UGT1A8: variants seen among roughly 807,000 people sequenced by gnomAD.
UGT1A8 encodes the protein UDP-glucuronosyltransferase 1A8.
Under a neutral mutation model 45.3 loss-of-function variants are expected in UGT1A8, and 39 were observed. The observed-to-expected ratio is 0.86, with a 90% CI of 0.67 to 1.12. The LOEUF (loss-of-function observed/expected upper bound fraction) is 1.12. UGT1A8 is among the 50% of genes most tolerant of loss of function. UGT1A8 has a pLI of 0.00. For synonymous variants in UGT1A8, 275 were observed against 249.2 expected (o/e 1.10, Z -0.97); for missense variants, 719 against 664.9 (o/e 1.08, Z -0.90).
rs116341201 is a variant in UGT1A8, at chr2:233,621,794, A to G, written c.855+3232A>G. Among the ~76,000 whole-genome samples the G allele has an allele frequency of 3.4e-3, 519 of 152,234 alleles. 2 individuals are homozygous for G. Among genetic ancestry groups the G allele is most frequent in the African/African-American group, 0.012 (483 of 41,540 alleles). On this transcript the variant is annotated intron_variant, in intron 1 of 4. Coordinates refer to ENST00000373450, the MANE Select transcript of UGT1A8 (RefSeq NM_019076.5). ...TGTGCACAACGTAAAGGTTTGTTAC[A>G]TAGGTACACATGTGTCATGTTGGTT...
intron 1 of UGT1A8, among the ~76,000 whole-genome samples, chr2:233,692,665 T>C (rs2075108390): frequency 6.6e-6 from 1 of 152,170 alleles, no homozygotes; most frequent in African/African-American, 2.4e-5. Context: ...AAGTTCGGGA[T>C]AGAGAATTGG....
rs377063392 is a variant in UGT1A8, at chr2:233,724,823, G to A, written c.856-42211G>A. Among the ~76,000 whole-genome samples, 2 of 135,304 alleles carry A rather than the reference G, an allele frequency of 1.5e-5. 1 individual carries two copies. Among genetic ancestry groups the A allele is most frequent in the Non-Finnish European group, 3.1e-5 (2 of 64,184 alleles). 88.8% of individuals were successfully genotyped at this position (135,304 alleles called of 152,430 possible). A position where few individuals can be genotyped will look rare whatever the true frequency, so the allele number is the denominator to read the frequency against. On this transcript the variant is annotated intron_variant, in intron 1 of 4. Transcript: ENST00000373450. ...GCGGCCGGGCAGAGGCTGCAATCTC[G>A]GCACTTTGGGAGGCCAAGGCAGGCG...
At chr2:233,689,865 T>G in intron 1 of UGT1A8, 1 of 456,466 alleles carries the variant, frequency 2.2e-6, no homozygotes. Flanking sequence ...TACTATTACC[T>G]TCTTGCTTAT....
chr2:233,657,757 T>C (rs2073887423), intron 1 of UGT1A8, among the ~76,000 whole-genome samples: 1 of 152,238 alleles, frequency 6.6e-6, no homozygotes, highest in African/African-American at 2.4e-5. Context: ...TTAAATATGA[T>C]GTTGAGCATC....
At chr2:233,763,561 T>A (rs1698343622) in intron 1 of UGT1A8, among the ~76,000 whole-genome samples, 1 of 152,248 alleles carries the variant, frequency 6.6e-6, no homozygotes, top group Admixed American at 6.5e-5. Context: ...GTCAAGTTAC[T>A]GTTCTTATTT....
chr2:233,675,501 A>G (rs940829614), intron 1 of UGT1A8, among the ~76,000 whole-genome samples: 1 of 152,182 alleles, frequency 6.6e-6, no homozygotes, highest in African/African-American at 2.4e-5. Flanking sequence ...GGATATGGTT[A>G]CAGATAAATA....
rs1218206132 is a variant in UGT1A8, at chr2:233,618,573, T to A, written c.855+11T>A. 3.1e-6 allele frequency: 5 copies of A among 1,610,714 alleles called. No homozygotes were observed. The highest frequency in any genetic ancestry group is 1.7e-5 in the Admixed American group (1 of 59,888). On this transcript the variant is annotated intron_variant, in intron 1 of 4. Transcript: ENST00000373450. ...AAGCCATTGCCTATGGTAAGTCACC[T>A]CTCCTTTAGCACATTAGGAATAATC...
chr2:233,761,996 A>C (rs1212945255), intron 1 of UGT1A8, among the ~76,000 whole-genome samples: 1 of 151,970 alleles, frequency 6.6e-6, no homozygotes, highest in African/African-American at 2.4e-5. Context: ...CCTTATTTCC[A>C]CTATACCTCC....
chr2:233,747,722 GT>G (rs574078556), intron 1 of UGT1A8: 15 of 1,612,642 alleles, frequency 9.3e-6, no homozygotes, highest in Middle Eastern at 1.6e-4. Context: ...TTCCTGCTGT[GT>G]TTTTTTTGAG....
At chr2:233,755,301 G>A in intron 1 of UGT1A8, 2 of 599,966 alleles carry the variant, frequency 3.3e-6, no homozygotes, top group Non-Finnish European at 5.2e-6. Context: ...CGGGGCACTG[G>A]CACAGCGAGC....
intron 1 of UGT1A8, chr2:233,637,452 T>G: frequency 3.3e-6 from 5 of 1,512,750 alleles, no homozygotes; most frequent in Non-Finnish European, 4.4e-6. Context: ...TACTGAACTG[T>G]GATTTGACAT....
At chr2:233,728,554 T>C (rs2077726263) in intron 1 of UGT1A8, among the ~76,000 whole-genome samples, 1 of 152,200 alleles carries the variant, frequency 6.6e-6, no homozygotes, top group Non-Finnish European at 1.5e-5. Flanking sequence ...CTCTGATCCT[T>C]ACAAGAAATA....
intron 1 of UGT1A8, among the ~76,000 whole-genome samples, chr2:233,757,812 T>C (rs772268398): frequency 4.0e-5 from 6 of 151,794 alleles, no homozygotes; most frequent in Non-Finnish European, 8.8e-5. Flanking sequence ...TGAAAGGAGC[T>C]GGTAGTGTGT....
Position 233,767,112 on chromosome 2 carries a change from C to T in UGT1A8, c.934C>T (p.Pro312Ser), listed in dbSNP as rs769666128. 1 of 1,614,080 alleles carries T rather than the reference C, an allele frequency of 6.2e-7. No individual in the cohort carries two copies. The highest frequency in any genetic ancestry group is 2.2e-5 in the East Asian group (1 of 44,856). The change falls in exon 2 of 5, where the codon CCA (proline) becomes TCA (serine). Residue 312 changes from proline to serine, a missense_variant. Coordinates refer to ENST00000373450, the MANE Select transcript of UGT1A8 (RefSeq NM_019076.5). ...TTTGGGATCAATGGTCTCAGAAATT[C>T]CAGAGAAGAAAGCTATGGCAATTGC... ...FSLGSMVSEI[P>S]EKKAMAIADA...
At position 233,618,368 on chromosome 2, in the gene UGT1A8, C is replaced by T. The variant is rs2125446570; in HGVS notation, c.661C>T (p.Gln221Ter). The T allele has an allele frequency of 1.2e-6, 2 of 1,613,894 alleles. No individual in the cohort carries two copies. Among genetic ancestry groups the T allele is most frequent in the East Asian group, 2.2e-5 (1 of 44,866 alleles). The change falls in exon 1 of 5, where the codon CAG (glutamine) becomes TAG (stop). Residue 221 changes from glutamine (Q) to a stop codon, truncating the protein, a stop_gained. Transcript: ENST00000373450. LOFTEE classifies it high-confidence loss of function. ...IMHLEEHLFC[Q>*]YFSKNALEIA... ...GCACTTGGAGGAACATTTATTTTGC[C>T]AGTATTTTTCCAAAAATGCCCTAGA...
chr2:233,735,701 C>T (rs2078683713), intron 1 of UGT1A8, among the ~76,000 whole-genome samples: 1 of 151,894 alleles, frequency 6.6e-6, no homozygotes, highest in South Asian at 2.1e-4. Flanking sequence ...GTAAGGCAGG[C>T]CTGGTGGTGA....
chr2:233,620,758 A>T lies in UGT1A8; in HGVS notation c.855+2196A>T, dbSNP rs569005808. ...GGCTTTCTGTCAAAGAGCCTTGGATATGGCCCAACCACAAAAGTAAAAGTC... is the reference window on the plus strand; with the variant it reads ...GGCTTTCTGTCAAAGAGCCTTGGATTTGGCCCAACCACAAAAGTAAAAGTC... On this transcript the variant is annotated intron_variant, in intron 1 of 4. Coordinates refer to ENST00000373450, the MANE Select transcript of UGT1A8 (RefSeq NM_019076.5). 2.0e-5 allele frequency among the ~76,000 whole-genome samples: 3 copies of T among 152,332 alleles called. No individual in the cohort carries two copies. In the South Asian group the frequency reaches 6.2e-4, roughly 32 times the overall value.
chr2:233,721,740 G>C lies in UGT1A8; in HGVS notation c.856-45294G>C, dbSNP rs151279989. 5 of 432,164 alleles carry C rather than the reference G, an allele frequency of 1.2e-5. No individual in the cohort carries two copies. The East Asian group carries it at 1.9e-4, about 16-fold the overall frequency. The allele number at this position is 432,164 out of a possible 1,614,324, so 26.8% of individuals were successfully genotyped here. ...TGTTTACTTGGATAAGCTTAATGAT[G>C]AGAGAATCTACATCTAAATTGTTAT... On this transcript the variant is annotated intron_variant, in intron 1 of 4. Coordinates refer to ENST00000373450, the MANE Select transcript of UGT1A8 (RefSeq NM_019076.5).
intron 1 of UGT1A8, among the ~76,000 whole-genome samples, chr2:233,667,296 T>C (rs2074099316): frequency 6.6e-6 from 1 of 152,210 alleles, no homozygotes; most frequent in African/African-American, 2.4e-5. Context: ...ATTCCCTATT[T>C]AATAAATGGT....
Sources: gnomAD v4.1 joint callset for allele counts (sites outside exome capture counted in the v4.1 genomes callset) on GRCh38, gnomAD v4.1.1 for gene constraint, MANE v1.5 for transcripts, NCBI Gene and HGNC (gene_info 2026-07-23, HGNC 2026-07-21) for gene names.